NEBL: variants seen among roughly 807,000 people sequenced by gnomAD.
NEBL encodes the protein nebulette.
A neutral mutation model predicts 140.2 loss-of-function variants in NEBL; 122 were observed. The ratio of observed to expected loss-of-function variants is 0.87; its 90% CI spans 0.75 to 1.01. NEBL has a LOEUF of 1.01. Among genes scored for constraint, NEBL ranks in the 50% least tolerant of loss-of-function variants. The probability of loss-of-function intolerance (pLI) is 0.00; values close to 1 mark genes in which losing one functional copy is unlikely to be tolerated. For missense variants in NEBL, 1,365 were observed against 1,231.3 expected (o/e 1.11, Z -1.62); for synonymous variants, 436 against 398.9 (o/e 1.09, Z -1.11).
intron 3 of NEBL, among the ~76,000 whole-genome samples, chr10:20,984,428 CTA>C (rs950940134): frequency 6.6e-6 from 1 of 152,036 alleles, no homozygotes; most frequent in Non-Finnish European, 1.5e-5. Flanking sequence ...TGAACGAAAA[CTA>C]TTATTTCTAG....
At chr10:21,049,374 T>A (rs919650866) in intron 2 of NEBL, among the ~76,000 whole-genome samples, 2 of 152,172 alleles carry the variant, frequency 1.3e-5, no homozygotes, top group African/African-American at 4.8e-5. Flanking sequence ...GAGAAGAAAG[T>A]TTATCAATTC....
chr10:21,271,246 A>T lies in NEBL; in HGVS notation n.183-19418T>A, dbSNP rs576003561. Among the ~76,000 whole-genome samples the T allele has an allele frequency of 2.9e-3, 445 of 152,326 alleles. 1 individual carries two copies. The highest frequency in any genetic ancestry group is 4.7e-3 in the Non-Finnish European group (319 of 68,028). On this transcript the variant is annotated intron_variant and non_coding_transcript_variant, in intron 1 of 8. Transcript: ENST00000675702. ...GATGTTATGCTAAGTGAAATAAGCTAGACACAGAGAGACAAATACTGCATG... is the reference window on the plus strand; with the variant it reads ...GATGTTATGCTAAGTGAAATAAGCTTGACACAGAGAGACAAATACTGCATG...
chr10:21,200,305 G>C (rs1400373140), intron 3 of NEBL, among the ~76,000 whole-genome samples: 2 of 128,628 alleles, frequency 1.6e-5, no homozygotes, highest in Non-Finnish European at 3.1e-5. Flanking sequence ...ATATTCCAAG[G>C]GACTTTTTTT....
At chr10:21,069,389 C>T (rs979065232) in intron 2 of NEBL, among the ~76,000 whole-genome samples, 2 of 152,188 alleles carry the variant, frequency 1.3e-5, no homozygotes, top group African/African-American at 4.8e-5. Context: ...TAAACCACAG[C>T]CAGTAGAGCA....
intron 2 of NEBL, among the ~76,000 whole-genome samples, chr10:21,085,510 C>T (rs572006100): frequency 5.3e-5 from 8 of 152,018 alleles, no homozygotes; most frequent in Non-Finnish European, 1.2e-4. Context: ...TGGTGCACAC[C>T]GATGGTCCCA....
At position 20,850,477 on chromosome 10, in the gene NEBL, T is replaced by C. The variant is rs1372920652; in HGVS notation, c.1034A>G (p.Lys345Arg). ...SQVKYKEEYE[K>R]NKGKPMLEFV... is the part of the protein sequence containing the mutation. ...TTCAAGCATTGGCTTTCCCTTATTT[T>C]TCTCATATTCTTCTTTATATTTCAC... The change falls in exon 11 of 28, where the codon AAA becomes AGA. Residue 345 changes from lysine to arginine, a missense_variant. By Grantham distance (26) the Lys-to-Arg change is conservative. Around this residue, in one of 2 missense-constraint regions of NEBL, gnomAD observed 1,323 missense variants for 1,154.8 expected, o/e 1.15. Transcript: ENST00000377122. The C allele has an allele frequency of 6.2e-7, 1 of 1,607,092 alleles. No individual in the cohort carries two copies. The highest frequency in any genetic ancestry group is 1.7e-5 in the Admixed American group (1 of 60,018).
intron 1 of NEBL, among the ~76,000 whole-genome samples, chr10:21,270,928 G>C (rs900127149): frequency 6.6e-6 from 1 of 152,278 alleles, no homozygotes; most frequent in African/African-American, 2.4e-5. Flanking sequence ...TGGTGAGACT[G>C]TAAATTGGTA....
intron 1 of NEBL, among the ~76,000 whole-genome samples, chr10:21,290,780 C>T (rs1843131536): frequency 1.3e-5 from 2 of 152,140 alleles, no homozygotes; most frequent in Non-Finnish European, 2.9e-5. Flanking sequence ...AAATTATTTA[C>T]CACCCCTTAA....
chr10:21,053,639 A>G (rs1244499138), intron 2 of NEBL, among the ~76,000 whole-genome samples: 1 of 152,184 alleles, frequency 6.6e-6, no homozygotes, highest in Non-Finnish European at 1.5e-5. Context: ...AGAAGTTATG[A>G]AAATCAAGGC....
chr10:20,809,616 A>C (rs1016520273), intron 25 of NEBL, among the ~76,000 whole-genome samples, 190 bp downstream of exon 25: 8 of 152,298 alleles, frequency 5.3e-5, no homozygotes, highest in Admixed American at 2.6e-4. Context: ...CAGACTAATT[A>C]AGATATATTA....
chr10:20,790,497 A>T (rs961666420), intron 26 of NEBL, among the ~76,000 whole-genome samples: 1 of 151,588 alleles, frequency 6.6e-6, no homozygotes, highest in Admixed American at 6.6e-5. Flanking sequence ...GCTACTCGGG[A>T]GGCTGAGGTA....
intron 7 of NEBL, among the ~76,000 whole-genome samples, chr10:20,867,086 CTTTT>C (rs1268928925): frequency 6.6e-6 from 1 of 152,046 alleles, no homozygotes; most frequent in East Asian, 1.9e-4. Context: ...GAAGACTTCT[CTTTT>C]TTTATATTTT....
chr10:20,786,563 T>C (rs1480552042), intron 27 of NEBL, among the ~76,000 whole-genome samples: 4 of 152,164 alleles, frequency 2.6e-5, no homozygotes, highest in Non-Finnish European at 5.9e-5. Flanking sequence ...AATCTCAAAA[T>C]CAAGTACATT....
intron 2 of NEBL, among the ~76,000 whole-genome samples, chr10:21,131,166 C>T (rs1368211963): frequency 6.6e-6 from 1 of 152,120 alleles, no homozygotes; most frequent in African/African-American, 2.4e-5. Context: ...CTTTGCAAGA[C>T]ACAATCTGCC....
At chr10:21,254,196 G>A (rs928564472) in intron 1 of NEBL, among the ~76,000 whole-genome samples, 6 of 151,892 alleles carry the variant, frequency 4.0e-5, no homozygotes, top group Admixed American at 2.6e-4. Context: ...GGAGTTCAAC[G>A]GCATGATCAT....
intron 1 of NEBL, among the ~76,000 whole-genome samples, chr10:21,262,901 C>G (rs1842757316): frequency 6.6e-6 from 1 of 152,200 alleles, no homozygotes; most frequent in Non-Finnish European, 1.5e-5. Context: ...ATTACCCAGT[C>G]AGGAGATTAT....
intron 26 of NEBL, among the ~76,000 whole-genome samples, chr10:20,789,799 G>A (rs2131630332): frequency 6.6e-6 from 1 of 151,994 alleles, no homozygotes; most frequent in East Asian, 1.9e-4. Flanking sequence ...GCTGCCATGT[G>A]ATCTCACCAC....
intron 3 of NEBL, among the ~76,000 whole-genome samples, chr10:21,236,833 C>T (rs536315964): frequency 2.9e-4 from 44 of 152,146 alleles, no homozygotes; most frequent in Non-Finnish European, 5.9e-4. Flanking sequence ...ATTTCTAAAG[C>T]CTTTACTGTA....
intron 2 of NEBL, among the ~76,000 whole-genome samples, chr10:21,169,064 AAAAATATATATAT>A (rs1465371777): frequency 1.9e-3 from 102 of 52,334 alleles, no homozygotes; most frequent in African/African-American, 2.5e-3. Flanking sequence ...AAAAAAAAAA[AAAAATATATATAT>A]ATATATATAT....
Sources: allele counts gnomAD v4.1 joint callset (sites outside exome capture counted in the v4.1 genomes callset), GRCh38; gene constraint gnomAD v4.1.1; regional missense constraint gnomAD v4.1.1; transcripts MANE v1.5; gene names NCBI Gene and HGNC (gene_info 2026-07-23, HGNC 2026-07-21).